The following NEB variants were observed in gnomAD, a reference collection of about 807,000 sequenced individuals.
The protein encoded by NEB is nemaline myopathy type 2.
NEB carries 512 observed loss-of-function variants against 952.2 expected under a neutral mutation model. That is an observed-to-expected ratio of 0.54 (90% confidence interval 0.50 to 0.58). NEB has a LOEUF of 0.58. NEB is among the 20% of genes least tolerant of loss of function. The probability of loss-of-function intolerance (pLI) is 0.00; values close to 1 mark genes in which losing one functional copy is unlikely to be tolerated. For missense variants in NEB, 8,428 were observed against 9,231.1 expected, an observed-to-expected ratio of 0.91 and a Z score of 3.56; for synonymous variants, 2,900 against 3,149.8, an observed-to-expected ratio of 0.92 and a Z score of 2.66.
At position 151,679,723 on chromosome 2, in the gene NEB, C is replaced by T. The variant is rs2099400725; in HGVS notation, c.3253G>A (p.Asp1085Asn). 7 of 1,382,076 alleles carry T rather than the reference C, an allele frequency of 5.1e-6. No individual in the cohort carries two copies. The highest frequency in any genetic ancestry group is 6.8e-6 in the Non-Finnish European group (7 of 1,033,124). The allele number at this position is 1,382,076 out of a possible 1,614,324, so 85.6% of individuals were successfully genotyped here. ...AAKAARQAAS[D>N]VQYKKDYEKA... ...TGTATGACCACAGCTGGACTTACGT[C>T]ACTCGCCGCCTGCCTGGCAGCTTTG... The change falls in exon 32 of 182, where the codon GAC (aspartate) becomes AAC (asparagine). Residue 1085 changes from aspartate (D) to asparagine (N), a missense_variant and splice_region_variant. Transcript: ENST00000397345.
intron 52 of NEB, among the ~76,000 whole-genome samples, chr2:151,653,691 T>C (rs1243031013): frequency 6.6e-6 from 1 of 152,170 alleles, no homozygotes; most frequent in South Asian, 2.1e-4. Flanking sequence ...AGTAAAATTA[T>C]TATATTTTCA....
rs61254943 is a variant in NEB at position 151,576,372 on chromosome 2, G to A, written c.16705-18C>T. On this transcript the variant is annotated intron_variant, in intron 105 of 181. Transcript: ENST00000397345. Reference sequence around the variant, plus strand: ...TAGAGGGCCTGAAAAAGAAAACACAGGTAGAAGCAGGGTTTGTGTTTTGTT... The same window carrying A: ...TAGAGGGCCTGAAAAAGAAAACACAAGTAGAAGCAGGGTTTGTGTTTTGTT... 0.26 allele frequency: 410,740 copies of A among 1,566,422 alleles called. 55,679 individuals carry two copies. Among genetic ancestry groups the A allele is most frequent in the Admixed American group, 0.39 (22,386 of 57,948 alleles).
chr2:151,621,273 A>C (rs1682472192), intron 71 of NEB, among the ~76,000 whole-genome samples: 1 of 152,198 alleles, frequency 6.6e-6, no homozygotes, highest in Non-Finnish European at 1.5e-5. Flanking sequence ...TTATACATTA[A>C]ATGAACACCT....
At chr2:151,626,971 T>C (rs2098538916) in intron 70 of NEB, 31 bp downstream of exon 70, 1 of 1,608,228 alleles carries the variant, frequency 6.2e-7, no homozygotes, top group African/African-American at 1.3e-5. Flanking sequence ...CATATAGCCC[T>C]GTCTTATTTT....
intron 117 of NEB, 43 bp from the exon 118 acceptor site, chr2:151,563,973 T>A (rs1577723791): frequency 7.3e-7 from 1 of 1,369,256 alleles, no homozygotes; most frequent in East Asian, 2.5e-5. Flanking sequence ...TTCTTTCAAC[T>A]TCTTTCAGAT....
chr2:151,687,360 T>C (rs1257314383), intron 27 of NEB, 59 bp downstream of exon 27: 14 of 1,426,872 alleles, frequency 9.8e-6, no homozygotes, highest in Non-Finnish European at 1.3e-5. Flanking sequence ...ACTACTACCC[T>C]TGGGCATCGT....
chr2:151,490,255 A>G, intron 180 of NEB, 117 bp downstream of exon 180: 23 of 1,341,242 alleles, frequency 1.7e-5, no homozygotes, highest in Non-Finnish European at 2.3e-5. Flanking sequence ...GTCTTTTCTC[A>G]TTAAAGGAAA....
chr2:151,703,542 G>A (rs1374294093), intron 13 of NEB, among the ~76,000 whole-genome samples: 3 of 24,042 alleles, frequency 1.2e-4, no homozygotes, highest in African/African-American at 2.7e-4. Flanking sequence ...CATACTTCTT[G>A]GAGGCTTTGC....
chr2:151,632,676 A>AG (rs1177447315), intron 65 of NEB, among the ~76,000 whole-genome samples: 1 of 148,030 alleles, frequency 6.8e-6, no homozygotes, highest in East Asian at 2.0e-4. Flanking sequence ...ACTCTGTCTC[A>AG]GAAAAAAAAA....
At position 151,691,972 on chromosome 2, in the gene NEB, T is replaced by A; in HGVS notation, c.2107-4A>T. ...CATATTCTGCTTTGTAACTTTTCTA[T>A]AATGAGAAAAACCAAAAATAGATCA... On this transcript the variant is annotated splice_polypyrimidine_tract_variant and splice_region_variant and intron_variant, in intron 22 of 181. Transcript: ENST00000397345. 1.2e-6 allele frequency: 2 copies of A among 1,611,074 alleles called. No individual in the cohort carries two copies. The highest frequency in any genetic ancestry group is 1.7e-6 in the Non-Finnish European group (2 of 1,177,714).
chr2:151,726,975 A>AG (rs1357797871), intron 5 of NEB, among the ~76,000 whole-genome samples: 1 of 151,236 alleles, frequency 6.6e-6, no homozygotes, highest in African/African-American at 2.4e-5. Context: ...GCTTCAGCCC[A>AG]GGGGTCTGGG....
At chr2:151,618,930 G>C (rs2098300422) in intron 73 of NEB, among the ~76,000 whole-genome samples, 1 of 152,082 alleles carries the variant, frequency 6.6e-6, no homozygotes, top group African/African-American at 2.4e-5. Flanking sequence ...GATATGTTTG[G>C]TATTTCCTTA....
chr2:151,534,253 G>T, intron 142 of NEB: 1 of 1,613,730 alleles, frequency 6.2e-7, no homozygotes, highest in Non-Finnish European at 8.5e-7. Context: ...GCCAGCAGAT[G>T]TCTAGGCTCA....
intron 151 of NEB, 38 bp from the exon 152 acceptor site, chr2:151,524,654 C>CTTTTTGTTTTTT (rs2084342964): frequency 4.8e-6 from 1 of 208,488 alleles, no homozygotes; most frequent in Non-Finnish European, 8.3e-6. Flanking sequence ...AAGAGAGAGG[C>CTTTTTGTTTTTT]TTTTTTTTTT....
intron 105 of NEB, among the ~76,000 whole-genome samples, chr2:151,577,274 C>T (rs945457824): frequency 6.6e-6 from 1 of 152,164 alleles, no homozygotes; most frequent in African/African-American, 2.4e-5. Context: ...CCTATTCTTC[C>T]AGCCTCGTGT....
Position 151,642,815 on chromosome 2 carries a change from C to G in NEB, c.8215G>C (p.Asp2739His), listed in dbSNP as rs1236205998. ...KDKTTVHIMP[D>H]TPEVLLAKQN... Reference sequence around the variant, plus strand: ...TTAGCTAATAAAACTTCAGGGGTATCTGGCATAATGTGGACAGTGGTTTTA... The same window carrying G: ...TTAGCTAATAAAACTTCAGGGGTATGTGGCATAATGTGGACAGTGGTTTTA... Residue 2739 changes from aspartate (D) to histidine (H), a missense_variant, in exon 59 of 182, where the codon GAT becomes CAT. Coordinates refer to ENST00000397345, the MANE Select transcript of NEB (RefSeq NM_001164508.2). 1 of 1,613,106 alleles carries G rather than the reference C, an allele frequency of 6.2e-7. No individual in the cohort carries two copies. The highest frequency in any genetic ancestry group is 8.5e-7 in the Non-Finnish European group (1 of 1,179,432).
chr2:151,565,346 T>C (rs1386062955), intron 116 of NEB, among the ~76,000 whole-genome samples, 155 bp downstream of exon 116: 2 of 152,214 alleles, frequency 1.3e-5, no homozygotes, highest in East Asian at 3.9e-4. Flanking sequence ...CACCACCTGC[T>C]AGTGACTTTT....
chr2:151,619,815 T>A, intron 72 of NEB, 53 bp from the exon 73 acceptor site: 2 of 1,533,432 alleles, frequency 1.3e-6, no homozygotes, highest in Non-Finnish European at 1.8e-6. Flanking sequence ...CTATTCCCTG[T>A]TGTTCTTTCT....
At position 151,532,253 on chromosome 2, in the gene NEB, G is replaced by A. The variant is rs569421854; in HGVS notation, c.21418-357C>T. On this transcript the variant is annotated intron_variant, in intron 143 of 181. Transcript: ENST00000397345. Reference sequence around the variant, plus strand: ...CAATATGTTTTATACACATGTACTCGGAGGCCCCCAGAGGTTACGAGACTG... The same window carrying A: ...CAATATGTTTTATACACATGTACTCAGAGGCCCCCAGAGGTTACGAGACTG... 2.7e-5 allele frequency: 5 copies of A among 183,952 alleles called. No individual in the cohort carries two copies. In the South Asian group the frequency reaches 5.9e-4, roughly 22 times the overall value. 11.4% of individuals were successfully genotyped at this position (183,952 alleles called of 1,614,324 possible).
Sources: allele counts gnomAD v4.1 joint callset (sites outside exome capture counted in the v4.1 genomes callset), GRCh38; gene constraint gnomAD v4.1.1; transcripts MANE v1.5; gene names NCBI Gene and HGNC (gene_info 2026-07-23, HGNC 2026-07-21).